ST8SIA4: variants seen among roughly 807,000 people sequenced by gnomAD.
ST8SIA4 encodes the protein CMP-N-acetylneuraminate-poly-alpha-2,8-sialyltransferase.
Under a neutral mutation model 33.9 loss-of-function variants are expected in ST8SIA4, and 15 were observed. That is an observed-to-expected ratio of 0.44 (90% CI 0.30 to 0.68). The LOEUF (loss-of-function observed/expected upper bound fraction) is 0.68. ST8SIA4 is among the 30% of genes least tolerant of loss of function. The probability of loss-of-function intolerance (pLI) is 0.10; values close to 1 mark genes in which losing one functional copy is unlikely to be tolerated. For missense variants in ST8SIA4, 321 were observed against 428.0 expected, an observed-to-expected ratio of 0.75 and a Z score of 2.21; for synonymous variants, 171 against 151.2, an observed-to-expected ratio of 1.13 and a Z score of -0.96.
At chr5:100,874,900 G>A (rs1752272435) in intron 3 of ST8SIA4, among the ~76,000 whole-genome samples, 1 of 152,022 alleles carries the variant, frequency 6.6e-6, no homozygotes, top group African/African-American at 2.4e-5. Flanking sequence ...TGTCATCTCT[G>A]TTTATCATCT....
Position 100,807,356 on chromosome 5 carries a change from GAAA to G in ST8SIA4, c.*4488_*4490del, listed in dbSNP as rs2112387247. 1 of 152,576 alleles carries G rather than the reference GAAA, an allele frequency of 6.6e-6. No individual in the cohort carries two copies. The highest frequency in any genetic ancestry group is 6.5e-5 in the Admixed American group (1 of 15,302). The allele number at this position is 152,576 out of a possible 1,614,324, so 9.5% of individuals were successfully genotyped here. On this transcript the variant is annotated 3_prime_UTR_variant, in exon 5 of 5. Transcript: ENST00000231461. ...TCTTTCAGTTCCACAAATTCTATAA[GAAA>G]TACTCAGTAGCAATTATTCTGTGCA...
In ST8SIA4 at chr5:100,895,698, A is replaced by G; in HGVS notation, c.201T>C (p.Asn67=). ...AGGAATTGATTTTCCAACCTTCTAC[A>G]TTGTGCTGGAAGATTGAAGAGCCAG... is the stretch of plus-strand genomic sequence containing the variant. ...RKAGSSIFQH[N]VEGWKINSSL... is the part of the protein sequence containing the mutation. Residue 67 remains asparagine, a synonymous_variant, in exon 2 of 5, where the codon AAT becomes AAC. Transcript: ENST00000231461. 6.2e-7 allele frequency: 1 copy of G among 1,612,838 alleles called. No individual in the cohort carries two copies. The highest frequency in any genetic ancestry group is 8.5e-7 in the Non-Finnish European group (1 of 1,179,110).
chr5:100,901,446 C>G (rs1243429630), intron 1 of ST8SIA4, among the ~76,000 whole-genome samples: 5 of 152,278 alleles, frequency 3.3e-5, no homozygotes, highest in South Asian at 4.1e-4. Context: ...TTTCTAAAGA[C>G]CCCTTTGTCT....
At chr5:100,842,507 C>T (rs1039857925) in intron 4 of ST8SIA4, among the ~76,000 whole-genome samples, 18 of 151,754 alleles carry the variant, frequency 1.2e-4, no homozygotes, top group Non-Finnish European at 1.5e-5. Context: ...GATAAACTGC[C>T]CACATCCCAC....
At chr5:100,879,866 T>C (rs1752380382) in intron 3 of ST8SIA4, among the ~76,000 whole-genome samples, 1 of 152,120 alleles carries the variant, frequency 6.6e-6, no homozygotes, top group African/African-American at 2.4e-5. Flanking sequence ...TAGGAAGAAT[T>C]TGCATCCTGC....
chr5:100,865,753 G>T (rs1465151740), intron 3 of ST8SIA4, among the ~76,000 whole-genome samples: 1 of 151,762 alleles, frequency 6.6e-6, no homozygotes, highest in African/African-American at 2.4e-5. Flanking sequence ...ATATCTTCTT[G>T]GTCATCAAAT....
At chr5:100,897,795 T>G (rs781161650) in intron 1 of ST8SIA4, among the ~76,000 whole-genome samples, 2 of 152,194 alleles carry the variant, frequency 1.3e-5, no homozygotes, top group Non-Finnish European at 2.9e-5. Flanking sequence ...AAATGATACG[T>G]TTGCATGCCT....
intron 3 of ST8SIA4, among the ~76,000 whole-genome samples, chr5:100,866,339 G>T (rs1158956065): frequency 6.6e-6 from 1 of 151,968 alleles, no homozygotes; most frequent in East Asian, 1.9e-4. Context: ...TTGCCAAAAT[G>T]AATGGAAATA....
chr5:100,856,110 C>A lies in ST8SIA4; in HGVS notation c.790G>T (p.Val264Phe). ...AYPSLRLIHAVRGYWLTNKVP... is the reference protein window; with the variant it reads ...AYPSLRLIHAFRGYWLTNKVP... Reference sequence around the variant, plus strand: ...TCCTTTCCAGTCACTTACCCTCTGACAGCATGAATAAGTCTCAATGACGGA... The same window carrying A: ...TCCTTTCCAGTCACTTACCCTCTGAAAGCATGAATAAGTCTCAATGACGGA... Residue 264 changes from valine (V) to phenylalanine (F), a missense_variant, in exon 4 of 5, where the codon GTC (valine) becomes TTC (phenylalanine). Coordinates refer to ENST00000231461, the MANE Select transcript of ST8SIA4 (RefSeq NM_005668.6). 6.2e-7 allele frequency: 1 copy of A among 1,613,622 alleles called. No individual in the cohort carries two copies. Among genetic ancestry groups the A allele is most frequent in the East Asian group, 2.2e-5 (1 of 44,874 alleles).
At chr5:100,868,060 A>T (rs1752112725) in intron 3 of ST8SIA4, among the ~76,000 whole-genome samples, 1 of 152,008 alleles carries the variant, frequency 6.6e-6, no homozygotes, top group East Asian at 1.9e-4. Context: ...ACAAAGCCCT[A>T]AAAATTCCTC....
intron 4 of ST8SIA4, among the ~76,000 whole-genome samples, chr5:100,852,114 C>CTTTT (rs773074391): frequency 0.045 from 3,781 of 83,278 alleles, 42 homozygotes; most frequent in East Asian, 0.066. Context: ...CTCCACTCTT[C>CTTTT]TTTTTTTTTT....
At chr5:100,843,529 GAA>G (rs1353482262) in intron 4 of ST8SIA4, among the ~76,000 whole-genome samples, 3 of 151,782 alleles carry the variant, frequency 2.0e-5, no homozygotes, top group Non-Finnish European at 4.4e-5. Flanking sequence ...TTCTCACCAG[GAA>G]AACTTAACCA....
chr5:100,860,842 C>T (rs1751922128), intron 3 of ST8SIA4, among the ~76,000 whole-genome samples: 1 of 152,072 alleles, frequency 6.6e-6, no homozygotes, highest in African/African-American at 2.4e-5. Context: ...TCATTTATCC[C>T]TAGCTTTTCA....
At chr5:100,890,314 T>A (rs950146529) in intron 2 of ST8SIA4, among the ~76,000 whole-genome samples, 6 of 151,818 alleles carry the variant, frequency 4.0e-5, no homozygotes, top group African/African-American at 1.4e-4. Flanking sequence ...TGAAAAAAAA[T>A]TCAAGTATAA....
rs747359004 is a variant in ST8SIA4 at position 100,811,955 on chromosome 5, G to A, written c.972C>T (p.Tyr324=). Residue 324 remains tyrosine, a synonymous_variant, in exon 5 of 5, where the codon TAC becomes TAT. Coordinates refer to ENST00000231461, the MANE Select transcript of ST8SIA4 (RefSeq NM_005668.6). ...TTCTGTGAGGGCTTGCATTGGAAAA[G>A]TACCTATATTTTAAGTCATCATAAT... ...YHYYDDLKYR[Y]FSNASPHRMP... The A allele has an allele frequency of 6.2e-7, 1 of 1,614,026 alleles. No homozygotes were observed. The highest frequency in any genetic ancestry group is 1.7e-5 in the Admixed American group (1 of 60,008).
At chr5:100,870,261 G>A (rs959362780) in intron 3 of ST8SIA4, among the ~76,000 whole-genome samples, 1 of 152,102 alleles carries the variant, frequency 6.6e-6, no homozygotes, top group Admixed American at 6.6e-5. Flanking sequence ...GAACATTTGG[G>A]TTGGTTCCAA....
chr5:100,871,289 A>G (rs925639758), intron 3 of ST8SIA4, among the ~76,000 whole-genome samples: 2 of 152,114 alleles, frequency 1.3e-5, no homozygotes, highest in African/African-American at 4.8e-5. Flanking sequence ...CGATTGAATT[A>G]TAAAATGCAT....
intron 4 of ST8SIA4, among the ~76,000 whole-genome samples, chr5:100,825,439 G>T (rs1751120680): frequency 6.6e-6 from 1 of 152,156 alleles, no homozygotes; most frequent in Non-Finnish European, 1.5e-5. Flanking sequence ...GTCTGCCTAG[G>T]ATAGTTGACA....
Position 100,879,852 on chromosome 5 carries a change from A to T in ST8SIA4, c.503+6491T>A, listed in dbSNP as rs115020796. Among the ~76,000 whole-genome samples the T allele has an allele frequency of 2.3e-3, 345 of 152,284 alleles. 2 individuals carry two copies. The highest frequency in any genetic ancestry group is 4.3e-3 in the Admixed American group (66 of 15,290). On this transcript the variant is annotated intron_variant, in intron 3 of 4. Coordinates refer to ENST00000231461, the MANE Select transcript of ST8SIA4 (RefSeq NM_005668.6). The stretch of plus-strand genomic sequence containing the variant: ...ACAGAGTAAGACAGCTTCTGCATTT[A>T]CTGTAGGAAGAATTTGCATCCTGCT...
Sources: allele counts gnomAD v4.1 joint callset (sites outside exome capture counted in the v4.1 genomes callset), GRCh38; gene constraint gnomAD v4.1.1; transcripts MANE v1.5; gene names NCBI Gene and HGNC (gene_info 2026-07-23, HGNC 2026-07-21).